The following ARHGEF11 variants were observed in gnomAD, a reference collection of about 807,000 sequenced individuals.
ARHGEF11 encodes the protein Rho guanine nucleotide exchange factor 11.
ARHGEF11 carries 55 observed loss-of-function variants against 193.7 expected under a neutral mutation model. The ratio of observed to expected loss-of-function variants is 0.28; its 90% CI spans 0.23 to 0.36. The LOEUF (loss-of-function observed/expected upper bound fraction) is 0.36. ARHGEF11 is among the 10% of genes least tolerant of loss of function. ARHGEF11 has a pLI of 1.00. For missense variants in ARHGEF11, 1,723 were observed against 2,005.6 expected, an observed-to-expected ratio of 0.86 and a Z score of 2.69; for synonymous variants, 693 against 768.0, an observed-to-expected ratio of 0.90 and a Z score of 1.62.
At chr1:156,942,838 G>T in intron 32 of ARHGEF11, 58 bp from the exon 33 acceptor site, 1 of 1,453,120 alleles carries the variant, frequency 6.9e-7, no homozygotes, top group Non-Finnish European at 9.6e-7. Context: ...TGTGACTGCA[G>T]CCTGGGCCAG....
intron 8 of ARHGEF11, among the ~76,000 whole-genome samples, 153 bp downstream of exon 8, chr1:156,971,544 G>A (rs1404779692): frequency 6.6e-6 from 1 of 152,192 alleles, no homozygotes; most frequent in Non-Finnish European, 1.5e-5. Flanking sequence ...CTTTGGTGCT[G>A]ACCTTGGTTT....
upstream of ARHGEF11, among the ~76,000 whole-genome samples, chr1:157,045,805 C>T (rs1398317072): frequency 2.0e-5 from 3 of 150,966 alleles, no homozygotes; most frequent in African/African-American, 7.3e-5. Flanking sequence ...GCCGCTCGCT[C>T]GGGCGCAGGC....
At chr1:157,028,661 T>C (rs1339049821) in intron 1 of ARHGEF11, among the ~76,000 whole-genome samples, 2 of 152,180 alleles carry the variant, frequency 1.3e-5, no homozygotes, top group African/African-American at 2.4e-5. Context: ...TAAAATTCTA[T>C]TCATTCCTCA....
At chr1:156,945,996 C>G (rs1376687747) in intron 29 of ARHGEF11, 49 bp downstream of exon 29, 2 of 1,488,120 alleles carry the variant, frequency 1.3e-6, no homozygotes, top group Admixed American at 1.7e-5. Context: ...GAATGAGGGT[C>G]TGGCACGAGG....
chr1:156,976,513 C>T, intron 7 of ARHGEF11, among the ~76,000 whole-genome samples: 1 of 152,188 alleles, frequency 6.6e-6, no homozygotes, highest in East Asian at 1.9e-4. Context: ...GTGGCACTTA[C>T]ATGGATGGCT....
intron 7 of ARHGEF11, 124 bp from the exon 8 acceptor site, chr1:156,971,940 T>C: frequency 1.4e-4 from 148 of 1,069,124 alleles, no homozygotes; most frequent in Middle Eastern, 3.2e-4. Flanking sequence ...AGAGAAGAGG[T>C]CTCTGCCTCC....
At position 156,996,628 on chromosome 1, in the gene ARHGEF11, C is replaced by A. The variant is rs555282516; in HGVS notation, c.33-10455G>T. Among the ~76,000 whole-genome samples the A allele has an allele frequency of 9.2e-4, 140 of 151,692 alleles. 1 individual carries two copies. The highest frequency in any genetic ancestry group is 6.0e-4 in the Non-Finnish European group (41 of 67,908). Reference sequence around the variant, plus strand: ...CTCTACTAAAAATACAAAAAATTAGCCGGGCGTGGTAGCGGGCGCCTGTAG... The same window carrying A: ...CTCTACTAAAAATACAAAAAATTAGACGGGCGTGGTAGCGGGCGCCTGTAG... On this transcript the variant is annotated intron_variant, in intron 1 of 40. Coordinates refer to ENST00000368194, the MANE Select transcript of ARHGEF11 (RefSeq NM_198236.3).
In ARHGEF11 at chr1:156,936,057, G is replaced by A; in HGVS notation, c.4632C>T (p.Gly1544=). ...SHELGPCPED[G]SDAPLEDSTA... ...TGCTGTCTTCCAGGGGGGCGTCAGAGCCTGTGGGAGGAGGATGAAGGTGAG... is the reference window on the plus strand; with the variant it reads ...TGCTGTCTTCCAGGGGGGCGTCAGAACCTGTGGGAGGAGGATGAAGGTGAG... The change falls in exon 41 of 41, where the codon GGC becomes GGT. Residue 1544 remains glycine (G), a splice_region_variant and synonymous_variant. Transcript: ENST00000368194. The A allele has an allele frequency of 6.2e-7, 1 of 1,614,070 alleles. No homozygotes were observed. The highest frequency in any genetic ancestry group is 8.5e-7 in the Non-Finnish European group (1 of 1,179,946).
intron 37 of ARHGEF11, chr1:156,939,223 G>T: frequency 2.8e-6 from 1 of 351,702 alleles, no homozygotes; most frequent in Non-Finnish European, 5.3e-6. Context: ...TCAGTGAGGA[G>T]CACTAACAGA....
intron 9 of ARHGEF11, 48 bp downstream of exon 9, chr1:156,969,950 C>A (rs753076402): frequency 1.2e-6 from 2 of 1,600,060 alleles, no homozygotes; most frequent in East Asian, 2.2e-5. Flanking sequence ...AGGTAAGAAA[C>A]CTGGACTAGA....
rs374950707 is a variant in ARHGEF11 at position 156,982,943 on chromosome 1, T to A, written c.223+1396A>T. On this transcript the variant is annotated intron_variant, in intron 3 of 40. Coordinates refer to ENST00000368194, the MANE Select transcript of ARHGEF11 (RefSeq NM_198236.3). ...TATTTATATCCTTATATGATCCACA[T>A]ACTCATTTTGGTCATACATTTGAAA... Among the ~76,000 whole-genome samples the A allele has an allele frequency of 3.3e-5, 5 of 152,362 alleles. 1 individual carries two copies. In the South Asian group the frequency reaches 1.0e-3, roughly 32 times the overall value.
At chr1:157,017,547 A>C (rs1025848269) in intron 1 of ARHGEF11, among the ~76,000 whole-genome samples, 1 of 151,890 alleles carries the variant, frequency 6.6e-6, no homozygotes, top group Non-Finnish European at 1.5e-5. Flanking sequence ...CTCTACTAAA[A>C]ATACAAAAAA....
intron 1 of ARHGEF11, among the ~76,000 whole-genome samples, chr1:156,992,573 C>T (rs965018991): frequency 4.6e-5 from 7 of 151,174 alleles, no homozygotes; most frequent in African/African-American, 1.5e-4. Flanking sequence ...TGTTGGTCTG[C>T]GGTGTGTCTG....
chr1:156,948,482 G>A lies in ARHGEF11; in HGVS notation c.1942C>T (p.Arg648Cys), dbSNP rs1388884489. 5 of 1,614,204 alleles carry A rather than the reference G, an allele frequency of 3.1e-6. No homozygotes were observed. The highest frequency in any genetic ancestry group is 1.3e-5 in the African/African-American group (1 of 75,048). ...LESDSSRSEI[R>C]LGRSESLKGR... ...TTGAGGCTTTCAGAGCGGCCCAGGCGAATCTCTGAGCGTGAACTGGGGGGA... is the reference window on the plus strand; with the variant it reads ...TTGAGGCTTTCAGAGCGGCCCAGGCAAATCTCTGAGCGTGAACTGGGGGGA... Residue 648 changes from arginine (R) to cysteine (C), a missense_variant, in exon 23 of 41, where the codon CGC becomes TGC. Physicochemically the swap from Arg to Cys is radical, Grantham distance 180 (BLOSUM62 -3). Around this residue, in one of 5 missense-constraint regions of ARHGEF11, gnomAD observed 491 missense variants for 654.5 expected, o/e 0.75. Coordinates refer to ENST00000368194, the MANE Select transcript of ARHGEF11 (RefSeq NM_198236.3). The surrounding 1 kb of genome is among the most constrained non-coding windows in gnomAD (Gnocchi z 4.2).
At position 156,948,149 on chromosome 1, in the gene ARHGEF11, C is replaced by A; in HGVS notation, c.2153+32G>T. 1 of 1,544,544 alleles carries A rather than the reference C, an allele frequency of 6.5e-7. No individual in the cohort carries two copies. Among genetic ancestry groups the A allele is most frequent in the Non-Finnish European group, 8.7e-7 (1 of 1,143,904 alleles). ...GGGTGTGGATGGGACACAGAGACAC[C>A]AAACAGAGGCACCACCGTGCCCATC... On this transcript the variant is annotated intron_variant, in intron 24 of 40. Transcript: ENST00000368194. This position sits in a 1 kb window ranked among gnomAD's most constrained non-coding sequence, Gnocchi z 4.2.
intron 3 of ARHGEF11, among the ~76,000 whole-genome samples, chr1:156,983,091 T>A (rs1664418677): frequency 6.6e-6 from 1 of 152,228 alleles, no homozygotes; most frequent in South Asian, 2.1e-4. Flanking sequence ...TGTGCTCTTG[T>A]TTAAGCCAAG....
At chr1:157,044,159 CCA>C in intron 1 of ARHGEF11, 138 bp downstream of exon 1, 1 of 777,750 alleles carries the variant, frequency 1.3e-6, no homozygotes, top group Admixed American at 2.0e-5. Context: ...CTGACAGTCC[CCA>C]GAGACTAATG....
intron 12 of ARHGEF11, 23 bp from the exon 13 acceptor site, chr1:156,963,327 T>C (rs1005841126): frequency 1.3e-5 from 21 of 1,604,998 alleles, no homozygotes; most frequent in East Asian, 2.2e-5. Flanking sequence ...AGGATGAGCA[T>C]GGTGGGAAGC....
chr1:156,934,948 T>TTA lies in ARHGEF11; in HGVS notation c.*1050_*1051dup, dbSNP rs999349764. 3 of 148,244 alleles carry TTA rather than the reference T, an allele frequency of 2.0e-5. No individual in the cohort carries two copies. The highest frequency in any genetic ancestry group is 7.4e-5 in the African/African-American group (3 of 40,796). 9.2% of individuals were successfully genotyped at this position (148,244 alleles called of 1,614,324 possible). On this transcript the variant is annotated 3_prime_UTR_variant, in exon 41 of 41. Coordinates refer to ENST00000368194, the MANE Select transcript of ARHGEF11 (RefSeq NM_198236.3). ...GAACAGTCATTTCCATATCTATATT[T>TTA]TATATATTATATATATATTTATATA...
Sources: gnomAD v4.1 joint callset for allele counts (sites outside exome capture counted in the v4.1 genomes callset) on GRCh38, gnomAD v4.1.1 for gene constraint, gnomAD v4.1.1 regional missense constraint, Gnocchi (gnomAD v3.1) non-coding constraint, MANE v1.5 for transcripts, NCBI Gene and HGNC (gene_info 2026-07-23, HGNC 2026-07-21) for gene names.